SUB1: variants seen among roughly 807,000 people sequenced by gnomAD.
SUB1 encodes the protein activated RNA polymerase II transcriptional coactivator p15.
In SUB1, 1 loss-of-function variant was observed where a neutral mutation model predicts 16.9. The observed-to-expected ratio is 0.06, with a 90% CI of 0.02 to 0.28. The LOEUF (loss-of-function observed/expected upper bound fraction) is 0.28, where lower values mean the gene tolerates loss of function less well. Among genes scored for constraint, SUB1 ranks in the 10% least tolerant of loss-of-function variants. SUB1 has a pLI of 1.00. For synonymous variants in SUB1, 51 were observed against 46.9 expected, an observed-to-expected ratio of 1.09 and a Z score of -0.36; for missense variants, 84 against 145.2, an observed-to-expected ratio of 0.58 and a Z score of 2.16.
intron 3 of SUB1, among the ~76,000 whole-genome samples, chr5:32,592,807 T>A (rs1738863541): frequency 6.6e-6 from 1 of 152,106 alleles, no homozygotes; most frequent in Non-Finnish European, 1.5e-5. Context: ...AGCTGCCTAC[T>A]GAAGTATTAA....
chr5:32,596,289 C>T (rs777740766), intron 3 of SUB1: 11 of 152,172 alleles, frequency 7.2e-5, no homozygotes, highest in African/African-American at 1.7e-4. Context: ...AGGCTCTCCT[C>T]GAAGGCCAAG....
In SUB1 at chr5:32,601,379, C is replaced by T. The variant is rs561484277; in HGVS notation, c.*295C>T. On this transcript the variant is annotated 3_prime_UTR_variant, in exon 5 of 5. Transcript: ENST00000265073. ...CATAAGAGTTGGTACTGTTTAAGGC[C>T]AAAAGTAACAGTTTTTATAGATCTT... The T allele has an allele frequency of 4.3e-6, 1 of 233,238 alleles. No homozygotes were observed. Among genetic ancestry groups the T allele is most frequent in the African/African-American group, 2.3e-5 (1 of 43,470 alleles). 14.4% of individuals were successfully genotyped at this position (233,238 alleles called of 1,614,324 possible).
intron 1 of SUB1, among the ~76,000 whole-genome samples, chr5:32,586,886 T>A (rs575160177): frequency 6.6e-6 from 1 of 152,334 alleles, no homozygotes; most frequent in East Asian, 1.9e-4. Context: ...TTGAATTTAA[T>A]GGCTAGGATT....
chr5:32,598,800 G>T (rs1739044464), intron 3 of SUB1, 161 bp from the exon 4 acceptor site: 1 of 460,184 alleles, frequency 2.2e-6, no homozygotes, highest in Non-Finnish European at 3.8e-6. Flanking sequence ...GCATATAAGT[G>T]GGACCTGCAC....
intron 2 of SUB1, chr5:32,591,320 A>G (rs542565751): frequency 6.0e-4 from 202 of 339,166 alleles, no homozygotes; most frequent in African/African-American, 4.1e-3. Context: ...TCCTGTGGTT[A>G]ATACTACTAT....
At chr5:32,591,324 C>T (rs908329760) in intron 2 of SUB1, 2 of 362,544 alleles carry the variant, frequency 5.5e-6, no homozygotes, top group Non-Finnish European at 4.6e-6. Flanking sequence ...GTGGTTAATA[C>T]TACTATAATG....
intron 2 of SUB1, among the ~76,000 whole-genome samples, chr5:32,589,582 C>T (rs1738765084): frequency 6.6e-6 from 1 of 152,190 alleles, no homozygotes; most frequent in Non-Finnish European, 1.5e-5. Flanking sequence ...CATTAGATGA[C>T]AGCTGCACCG....
chr5:32,594,708 T>C (rs1409791927), intron 3 of SUB1: 2 of 398,568 alleles, frequency 5.0e-6, no homozygotes, highest in Middle Eastern at 8.2e-4. Flanking sequence ...CGAACCCTAT[T>C]GTGAACTGCG....
intron 3 of SUB1, chr5:32,597,074 A>C (rs762574870): frequency 6.6e-6 from 1 of 152,120 alleles, no homozygotes; most frequent in Non-Finnish European, 1.5e-5. Context: ...AGCTAGTTGC[A>C]TCTGTGGATT....
chr5:32,596,791 C>A (rs531934167), intron 3 of SUB1: 1 of 152,278 alleles, frequency 6.6e-6, no homozygotes, highest in South Asian at 2.1e-4. Flanking sequence ...ACTGCATTGT[C>A]TTCCCTTACT....
At chr5:32,587,684 C>G (rs565735170) in intron 1 of SUB1, among the ~76,000 whole-genome samples, 6 of 150,198 alleles carry the variant, frequency 4.0e-5, no homozygotes, top group Admixed American at 1.3e-4. Context: ...GACCTTGTGT[C>G]ACTGCAACCT....
intron 3 of SUB1, chr5:32,598,713 T>C (rs1278446673): frequency 1.5e-5 from 5 of 332,290 alleles, no homozygotes; most frequent in Admixed American, 9.7e-5. Context: ...ATTTCTAGGC[T>C]ATGCAGTTGT....
In SUB1 at chr5:32,601,592, C is replaced by T. The variant is rs550162049; in HGVS notation, c.*508C>T. The stretch of plus-strand genomic sequence containing the variant: ...TTTTCCTTTAATAACTTAATCTCTT[C>T]ATGTTCAGTTTTTACTTCACTCTTT... On this transcript the variant is annotated 3_prime_UTR_variant, in exon 5 of 5. Transcript: ENST00000265073. 4 of 153,194 alleles carry T rather than the reference C, an allele frequency of 2.6e-5. No individual in the cohort carries two copies. Among genetic ancestry groups the T allele is most frequent in the African/African-American group, 9.6e-5 (4 of 41,582 alleles). The allele number at this position is 153,194 out of a possible 1,614,324, so 9.5% of individuals were successfully genotyped here.
intron 3 of SUB1, chr5:32,595,532 TAA>T (rs1210150705): frequency 6.6e-6 from 1 of 152,292 alleles, no homozygotes; most frequent in East Asian, 1.9e-4. Context: ...TTTTGTATGA[TAA>T]TACTACAACT....
chr5:32,592,763 A>G (rs1738862328), intron 3 of SUB1, among the ~76,000 whole-genome samples: 1 of 152,152 alleles, frequency 6.6e-6, no homozygotes, highest in East Asian at 1.9e-4. Context: ...TAGTTGGGAA[A>G]TGTTCATGTG....
At chr5:32,589,156 A>G (rs1008130016) in intron 2 of SUB1, among the ~76,000 whole-genome samples, 3 of 151,896 alleles carry the variant, frequency 2.0e-5, no homozygotes, top group Non-Finnish European at 4.4e-5. Flanking sequence ...TGGCACCATC[A>G]TGGCTCACTG....
At chr5:32,599,155 C>A in intron 4 of SUB1, 86 bp downstream of exon 4, 1 of 911,390 alleles carries the variant, frequency 1.1e-6, no homozygotes, top group Non-Finnish European at 1.8e-6. Context: ...GTTGGCAGGA[C>A]ACACGGGGCA....
At chr5:32,589,991 G>A (rs1024685202) in intron 2 of SUB1, among the ~76,000 whole-genome samples, 4 of 152,080 alleles carry the variant, frequency 2.6e-5, no homozygotes, top group African/African-American at 9.7e-5. Context: ...AGGCTTCAAA[G>A]ACTATACTTG....
rs1561038379 is a variant in SUB1 at position 32,600,977 on chromosome 5, A to G, written c.305-28A>G. The G allele has an allele frequency of 1.9e-6, 3 of 1,586,180 alleles. No homozygotes were observed. The Admixed American group carries it at 5.0e-5, about 27-fold the overall frequency. ...ATCCTCAACGCTTAAATAGATTTTCACCTTTGAATTTTTAAACTTTGTTTT... is the reference window on the plus strand; with the variant it reads ...ATCCTCAACGCTTAAATAGATTTTCGCCTTTGAATTTTTAAACTTTGTTTT... On this transcript the variant is annotated intron_variant, in intron 4 of 4. Coordinates refer to ENST00000265073, the MANE Select transcript of SUB1 (RefSeq NM_006713.4).
Sources: allele counts gnomAD v4.1 joint callset (sites outside exome capture counted in the v4.1 genomes callset), GRCh38; gene constraint gnomAD v4.1.1; transcripts MANE v1.5; gene names NCBI Gene and HGNC (gene_info 2026-07-23, HGNC 2026-07-21).